Variants in DDX60 observed in about 807,000 individuals in gnomAD.
DDX60 encodes probable ATP-dependent RNA helicase DDX60.
Under a neutral mutation model 212.8 loss-of-function variants are expected in DDX60, and 165 were observed. The observed-to-expected ratio is 0.78, with a 90% CI of 0.68 to 0.88. The LOEUF is 0.88. Among genes scored for constraint, DDX60 ranks in the 40% least tolerant of loss-of-function variants. The probability of loss-of-function intolerance (pLI) is 0.00; values close to 1 mark genes in which losing one functional copy is unlikely to be tolerated. For synonymous variants in DDX60, 703 were observed against 685.3 expected, an observed-to-expected ratio of 1.03 and a Z score of -0.40; for missense variants, 1,905 against 2,003.9, an observed-to-expected ratio of 0.95 and a Z score of 0.94.
chr4:168,235,839 A>G (rs540380377), intron 33 of DDX60, among the ~76,000 whole-genome samples: 11 of 152,200 alleles, frequency 7.2e-5, no homozygotes, highest in African/African-American at 2.2e-4. Context: ...ATATTTTCTC[A>G]GTGAAGACAT....
chr4:168,242,896 C>T (rs1245766472), intron 30 of DDX60, among the ~76,000 whole-genome samples: 1 of 152,064 alleles, frequency 6.6e-6, no homozygotes, highest in Non-Finnish European at 1.5e-5. Context: ...ATTGTAACTC[C>T]CACAATTCCC....
chr4:168,306,872 T>C, intron 4 of DDX60, 152 bp from the exon 5 acceptor site: 1 of 626,940 alleles, frequency 1.6e-6, no homozygotes, highest in East Asian at 2.7e-5. Context: ...TTTACTACCA[T>C]CTTACAGATA....
intron 6 of DDX60, among the ~76,000 whole-genome samples, chr4:168,300,469 G>A (rs566810): frequency 0.044 from 6,661 of 152,054 alleles, 359 homozygotes; most frequent in African/African-American, 0.13. Context: ...GAACCTGGGA[G>A]GTGGATGTTG....
chr4:168,221,094 G>A (rs1189139283), intron 36 of DDX60, among the ~76,000 whole-genome samples: 1 of 152,038 alleles, frequency 6.6e-6, no homozygotes, highest in Non-Finnish European at 1.5e-5. Flanking sequence ...TTTCAAAACA[G>A]TGCTCAACAT....
At chr4:168,240,100 T>C (rs1175441924) in intron 30 of DDX60, among the ~76,000 whole-genome samples, 1 of 152,122 alleles carries the variant, frequency 6.6e-6, no homozygotes, top group Non-Finnish European at 1.5e-5. Flanking sequence ...CAAAAGCTTC[T>C]GAGAAGCAAC....
intron 14 of DDX60, among the ~76,000 whole-genome samples, chr4:168,277,420 G>T (rs1340133353): frequency 1.3e-5 from 2 of 152,092 alleles, no homozygotes; most frequent in Admixed American, 1.3e-4. Context: ...GGTGCTTATG[G>T]ATGTGCTATA....
At chr4:168,223,395 A>C (rs1303095999) in intron 35 of DDX60, among the ~76,000 whole-genome samples, 1 of 152,092 alleles carries the variant, frequency 6.6e-6, no homozygotes, top group African/African-American at 2.4e-5. Flanking sequence ...TGGGTAAGGT[A>C]AATGTGAGGG....
chr4:168,310,641 A>G (rs749528582), intron 3 of DDX60, among the ~76,000 whole-genome samples: 4 of 152,144 alleles, frequency 2.6e-5, no homozygotes, highest in Non-Finnish European at 5.9e-5. Context: ...TTGGTAGAGC[A>G]GAGAGAAAGC....
At position 168,267,759 on chromosome 4, in the gene DDX60, C is replaced by T. The variant is rs748762103; in HGVS notation, c.2930-68G>A. ...ATCACTGAAACAAATTTAAAGTAAA[C>T]GGCATCAAGATCAAGGCAATGGCAG... On this transcript the variant is annotated intron_variant, in intron 21 of 37. Transcript: ENST00000393743. The T allele has an allele frequency of 7.3e-4, 1,110 of 1,527,078 alleles. 2 individuals are homozygous for T. Among genetic ancestry groups the T allele is most frequent in the Non-Finnish European group, 9.2e-4 (1,034 of 1,128,056 alleles). 94.6% of individuals were successfully genotyped at this position (1,527,078 alleles called of 1,614,324 possible). A position where few individuals can be genotyped will look rare whatever the true frequency, so the allele number is the denominator to read the frequency against.
Position 168,306,481 on chromosome 4 carries a change from C to T in DDX60, c.504G>A (p.Arg168=). The part of the protein sequence containing the change: ...FNFLIIHSWA[R]KVNVVLSSGQ... ...CTGAGGAAAGTACAACGTTGACCTT[C>T]CTTGCCCAAGAATGAATGATTAAAA... The change falls in exon 5 of 38, where the codon AGG becomes AGA. Residue 168 remains arginine (R), a synonymous_variant. Transcript: ENST00000393743. 6.2e-7 allele frequency: 1 copy of T among 1,614,136 alleles called. No individual in the cohort carries two copies.
In DDX60 at chr4:168,291,706, T is replaced by C. The variant is rs770388711; in HGVS notation, c.1041+42A>G. Reference sequence around the variant, plus strand: ...AAGTTATTGTAGTTTCTATCAAACATTCAAAACACAAAAATAGTAAACTAA... The same window carrying C: ...AAGTTATTGTAGTTTCTATCAAACACTCAAAACACAAAAATAGTAAACTAA... On this transcript the variant is annotated intron_variant, in intron 8 of 37. Transcript: ENST00000393743. 53 of 1,479,082 alleles carry C rather than the reference T, an allele frequency of 3.6e-5. 1 individual carries two copies. In the South Asian group the frequency reaches 6.4e-4, roughly 18 times the overall value. The allele number at this position is 1,479,082 out of a possible 1,614,324, so 91.6% of individuals were successfully genotyped here. A position where few individuals can be genotyped will look rare whatever the true frequency, so the allele number is the denominator to read the frequency against.
At chr4:168,253,428 C>T (rs909050227) in intron 26 of DDX60, among the ~76,000 whole-genome samples, 2 of 152,064 alleles carry the variant, frequency 1.3e-5, no homozygotes, top group Non-Finnish European at 2.9e-5. Flanking sequence ...AGTTGGGTTG[C>T]TAAGGCTCTC....
At chr4:168,311,840 T>C (rs1737147359) in intron 1 of DDX60, among the ~76,000 whole-genome samples, 1 of 152,186 alleles carries the variant, frequency 6.6e-6, no homozygotes, top group African/African-American at 2.4e-5. Flanking sequence ...TATAGAATTT[T>C]CTTTTCGTCC....
intron 28 of DDX60, among the ~76,000 whole-genome samples, chr4:168,250,285 T>C (rs1734169473): frequency 6.6e-6 from 1 of 152,064 alleles, no homozygotes; most frequent in Admixed American, 6.5e-5. Context: ...CTAACACCTA[T>C]AATCCCAGCA....
At chr4:168,224,553 C>A (rs1283379857) in intron 34 of DDX60, among the ~76,000 whole-genome samples, 168 bp from the exon 35 acceptor site, 1 of 151,946 alleles carries the variant, frequency 6.6e-6, no homozygotes, top group African/African-American at 2.4e-5. Context: ...CAGCTTGGCA[C>A]AGAATACATT....
chr4:168,299,564 T>C (rs576275129), intron 6 of DDX60, among the ~76,000 whole-genome samples: 2 of 150,914 alleles, frequency 1.3e-5, no homozygotes, highest in South Asian at 4.2e-4. Context: ...GCTAACCTGA[T>C]CATAAAAAAA....
chr4:168,241,943 G>A (rs1733854555), intron 30 of DDX60, among the ~76,000 whole-genome samples: 1 of 152,136 alleles, frequency 6.6e-6, no homozygotes, highest in Admixed American at 6.5e-5. Flanking sequence ...GCCAGGCCCA[G>A]GGTTCGTCTG....
At chr4:168,319,513 A>C (rs1737549015), upstream of DDX60, among the ~76,000 whole-genome samples, 1 of 152,202 alleles carries the variant, frequency 6.6e-6, no homozygotes. Flanking sequence ...TATAAACTGT[A>C]ATTGGTACTT....
chr4:168,273,566 G>A (rs1735195016), intron 17 of DDX60, among the ~76,000 whole-genome samples, 168 bp from the exon 18 acceptor site: 2 of 152,154 alleles, frequency 1.3e-5, no homozygotes, highest in African/African-American at 4.8e-5. Flanking sequence ...CTTTGAGATA[G>A]TTGACTCAGC....
Sources: gnomAD v4.1 joint callset for allele counts (sites outside exome capture counted in the v4.1 genomes callset) on GRCh38, gnomAD v4.1.1 for gene constraint, MANE v1.5 for transcripts, NCBI Gene and HGNC (gene_info 2026-07-23, HGNC 2026-07-21) for gene names.